PTCHD1: variants seen among roughly 807,000 people sequenced by gnomAD.
The protein encoded by PTCHD1 is patched domain-containing protein 1.
In PTCHD1, 3 loss-of-function variants were observed where a neutral mutation model predicts 34.6. That is an observed-to-expected ratio of 0.09 (90% CI 0.04 to 0.22). The LOEUF (loss-of-function observed/expected upper bound fraction) is 0.22. Ranked by LOEUF, PTCHD1 falls within the 10% of genes least tolerant of loss-of-function variation. The probability of loss-of-function intolerance (pLI) is 1.00; values close to 1 mark genes in which losing one functional copy is unlikely to be tolerated. For missense variants in PTCHD1, 504 were observed against 685.5 expected, an observed-to-expected ratio of 0.74 and a Z score of 2.96; for synonymous variants, 305 against 283.1, an observed-to-expected ratio of 1.08 and a Z score of -0.77.
At chrX:23,349,625 C>A (rs1036183462) in intron 1 of PTCHD1, among the ~76,000 whole-genome samples, 1 of 111,448 alleles carries the variant, frequency 9.0e-6, no homozygotes, top group Non-Finnish European at 1.9e-5. Context: ...TACAACAATC[C>A]TAAATATGTA....
Position 23,393,170 on chromosome X carries a change from A to G in PTCHD1, c.1652A>G (p.Asn551Ser). 1.7e-6 allele frequency: 2 copies of G among 1,211,700 alleles called. No homozygotes were observed. The highest frequency in any genetic ancestry group is 2.2e-6 in the Non-Finnish European group (2 of 895,266). Residue 551 changes from asparagine (N) to serine (S), a missense_variant, in exon 3 of 3, where the codon AAC becomes AGC. Physicochemically the swap from Asn to Ser is conservative, Grantham distance 46. Coordinates refer to ENST00000379361, the MANE Select transcript of PTCHD1 (RefSeq NM_173495.3). ...YTTAQQKYFS[N>S]YSPVIGFYIY... The stretch of plus-strand genomic sequence containing the variant: ...ACTGCCCAGCAAAAGTACTTCAGCA[A>G]CTACAGTCCTGTGATTGGGTTTTAC...
chrX:23,392,519 C>G lies in PTCHD1; in HGVS notation c.1013-12C>G, dbSNP rs200934310. 1.4e-3 allele frequency: 1,580 copies of G among 1,121,504 alleles called. 1 individual carries two copies. Among genetic ancestry groups the G allele is most frequent in the Non-Finnish European group, 1.5e-3 (1,260 of 814,908 alleles). The allele number at this position is 1,121,504 out of a possible 1,213,427, so 92.4% of individuals were successfully genotyped here. On this transcript the variant is annotated splice_polypyrimidine_tract_variant and intron_variant, in intron 2 of 2. Coordinates refer to ENST00000379361, the MANE Select transcript of PTCHD1 (RefSeq NM_173495.3). ...TTTAAACTTCTGCTCTGGTCTTTTT[C>G]TGCCCTCTTAGGTCATGGATTATAT...
At position 23,399,111 on chromosome X, in the gene PTCHD1, G is replaced by A. The variant is rs1923062405; in HGVS notation, c.*4926G>A. 1 of 111,836 alleles carries A rather than the reference G, an allele frequency of 8.9e-6. No homozygotes were observed. The highest frequency in any genetic ancestry group is 4.2e-3 in the Middle Eastern group (1 of 237). The allele number at this position is 111,836 out of a possible 1,213,427, so 9.2% of individuals were successfully genotyped here. On this transcript the variant is annotated 3_prime_UTR_variant, in exon 3 of 3. Transcript: ENST00000379361. ...AGTGATGTTCTTGTGGAATGTGCCAGCAGCTTCTCCTTCCAGAATGCTGAC... is the reference window on the plus strand; with the variant it reads ...AGTGATGTTCTTGTGGAATGTGCCAACAGCTTCTCCTTCCAGAATGCTGAC...
intron 1 of PTCHD1, among the ~76,000 whole-genome samples, chrX:23,339,110 A>ATAGC (rs1429197729): frequency 8.9e-6 from 1 of 112,188 alleles, no homozygotes; most frequent in Admixed American, 9.4e-5. Context: ...CTGGCACATA[A>ATAGC]TAGCTACTCA....
Position 23,401,749 on chromosome X carries a change from G to A in PTCHD1, c.*7564G>A, listed in dbSNP as rs367593387. 2.7e-5 allele frequency: 3 copies of A among 112,846 alleles called. No homozygotes were observed. The highest frequency in any genetic ancestry group is 3.6e-4 in the South Asian group (1 of 2,752). The allele number at this position is 112,846 out of a possible 1,213,427, so 9.3% of individuals were successfully genotyped here. On this transcript the variant is annotated 3_prime_UTR_variant, in exon 3 of 3. Transcript: ENST00000379361. ...TAAGGTTTGGCAGGCCAAAGGCTTC[G>A]GATGTCTGCAGGATACCATTGAAAA...
At chrX:23,374,614 TTTTTTCCAGTAAACCTATA>T (rs1033902594) in intron 1 of PTCHD1, among the ~76,000 whole-genome samples, 3 of 111,078 alleles carry the variant, frequency 2.7e-5, no homozygotes, top group Non-Finnish European at 5.7e-5. Context: ...TTTTTTTTTT[TTTTTTCCAGTAAACCTATA>T]TTCTTTACCG....
At chrX:23,374,818 A>G (rs945814947) in intron 1 of PTCHD1, among the ~76,000 whole-genome samples, 1 of 111,708 alleles carries the variant, frequency 9.0e-6, no homozygotes, top group African/African-American at 3.3e-5. Context: ...TCTTAGAATT[A>G]TGTAGTGTTA....
intron 1 of PTCHD1, among the ~76,000 whole-genome samples, chrX:23,362,343 G>A (rs1392495480): frequency 6.3e-5 from 7 of 111,603 alleles, no homozygotes; most frequent in East Asian, 2.8e-4. Flanking sequence ...GGCTTTGTTC[G>A]TTTCTTTTTA....
chrX:23,386,142 A>G (rs1922682195), intron 2 of PTCHD1, among the ~76,000 whole-genome samples: 1 of 111,678 alleles, frequency 9.0e-6, no homozygotes, highest in African/African-American at 3.3e-5. Flanking sequence ...ACGAAAAGAA[A>G]TTAAGCAATG....
chrX:23,367,201 A>C (rs1323728530), intron 1 of PTCHD1, among the ~76,000 whole-genome samples: 1 of 111,856 alleles, frequency 8.9e-6, no homozygotes, highest in Non-Finnish European at 1.9e-5. Context: ...GTAGTCCCTT[A>C]ATATATGTTG....
chrX:23,379,952 G>C lies in PTCHD1; in HGVS notation c.713G>C (p.Arg238Thr). ...GAGTCCAGCTTCTGCGACACTGTCAGACTGTTTCAGAAATCCAACAGCAAA... is the reference window on the plus strand; with the variant it reads ...GAGTCCAGCTTCTGCGACACTGTCACACTGTTTCAGAAATCCAACAGCAAA... ...RWESSFCDTV[R>T]LFQKSNSKVK... The change falls in exon 2 of 3, where the codon AGA becomes ACA. Residue 238 changes from arginine to threonine, a missense_variant. Coordinates refer to ENST00000379361, the MANE Select transcript of PTCHD1 (RefSeq NM_173495.3). The C allele has an allele frequency of 8.3e-7, 1 of 1,211,995 alleles. No homozygotes were observed. Among genetic ancestry groups the C allele is most frequent in the South Asian group, 1.8e-5 (1 of 56,972 alleles).
In PTCHD1 at chrX:23,393,815, A is replaced by T. The variant is rs1186054633; in HGVS notation, c.2297A>T (p.Asp766Val). 2.5e-6 allele frequency: 3 copies of T among 1,208,073 alleles called. No individual in the cohort carries two copies. The highest frequency in any genetic ancestry group is 4.3e-5 in the Admixed American group (2 of 46,074). ...CLIYGINYTI[D>V]NCAPMLSTFV... is the part of the protein sequence containing the mutation. ...ATTTATGGAATTAATTACACAATTG[A>T]CAATTGTGCTCCAATGTTATCCACA... The change falls in exon 3 of 3, where the codon GAC becomes GTC. Residue 766 changes from aspartate (D) to valine (V), a missense_variant. Physicochemically the swap from Asp to Val is radical, Grantham distance 152. Coordinates refer to ENST00000379361, the MANE Select transcript of PTCHD1 (RefSeq NM_173495.3).
intron 1 of PTCHD1, among the ~76,000 whole-genome samples, chrX:23,353,711 G>A (rs986468056): frequency 2.7e-5 from 3 of 112,373 alleles, no homozygotes; most frequent in East Asian, 2.8e-4. Context: ...TATTCGTAGC[G>A]GAGCCATTCA....
Position 23,402,545 on chromosome X carries a change from GAATA to G in PTCHD1, c.*8363_*8366del, listed in dbSNP as rs1437460368. On this transcript the variant is annotated 3_prime_UTR_variant, in exon 3 of 3. Coordinates refer to ENST00000379361, the MANE Select transcript of PTCHD1 (RefSeq NM_173495.3). ...ACAGAGCCTGAATCTATGTTTTTCT[GAATA>G]AAGAGACCCCATATTCTCTTTTGAA... The G allele has an allele frequency of 2.7e-5, 3 of 111,945 alleles. No individual in the cohort carries two copies. Among genetic ancestry groups the G allele is most frequent in the African/African-American group, 9.7e-5 (3 of 30,812 alleles). The allele number at this position is 111,945 out of a possible 1,213,427, so 9.2% of individuals were successfully genotyped here.
At chrX:23,387,391 A>AT (rs373058133) in intron 2 of PTCHD1, among the ~76,000 whole-genome samples, 71 of 109,360 alleles carry the variant, frequency 6.5e-4, no homozygotes, top group African/African-American at 2.2e-3. Context: ...AGCCAGTTGA[A>AT]TTTTTTTTTC....
At chrX:23,338,538 TCTTTATAGGA>T (rs1235839226) in intron 1 of PTCHD1, among the ~76,000 whole-genome samples, 1 of 112,321 alleles carries the variant, frequency 8.9e-6, no homozygotes. Context: ...AATGACATCA[TCTTTATAGGA>T]CTTTATAGGT....
intron 2 of PTCHD1, among the ~76,000 whole-genome samples, chrX:23,384,330 T>G (rs1265480612): frequency 1.8e-5 from 2 of 112,288 alleles, no homozygotes; most frequent in Non-Finnish European, 3.8e-5. Context: ...GTTTGGGATT[T>G]TGAGGTCAGA....
chrX:23,378,394 A>G (rs1231147950), intron 1 of PTCHD1, among the ~76,000 whole-genome samples: 1 of 111,987 alleles, frequency 8.9e-6, no homozygotes, highest in African/African-American at 3.2e-5. Context: ...CCTTACTCCC[A>G]CCACACCCCT....
rs1421532610 is a variant in PTCHD1 at position 23,402,991 on chromosome X, T to C, written c.*8806T>C. The C allele has an allele frequency of 8.9e-6, 1 of 112,617 alleles. No homozygotes were observed. Among genetic ancestry groups the C allele is most frequent in the Non-Finnish European group, 1.9e-5 (1 of 53,339 alleles). 9.3% of individuals were successfully genotyped at this position (112,617 alleles called of 1,213,427 possible). ...AAGCTATGTTGAATATTTAGTAATGTTGGAAAAGATCCTCACCCTAGACAT... is the reference window on the plus strand; with the variant it reads ...AAGCTATGTTGAATATTTAGTAATGCTGGAAAAGATCCTCACCCTAGACAT... On this transcript the variant is annotated 3_prime_UTR_variant, in exon 3 of 3. Coordinates refer to ENST00000379361, the MANE Select transcript of PTCHD1 (RefSeq NM_173495.3).
Sources: allele counts gnomAD v4.1 joint callset (sites outside exome capture counted in the v4.1 genomes callset), GRCh38; gene constraint gnomAD v4.1.1; transcripts MANE v1.5; gene names NCBI Gene and HGNC (gene_info 2026-07-23, HGNC 2026-07-21).